GRIN2A: variants seen among roughly 807,000 people sequenced by gnomAD.
GRIN2A encodes the protein glutamate ionotropic receptor NMDA type subunit 2A.
A neutral mutation model predicts 113.4 loss-of-function variants in GRIN2A; 22 were observed. That is an observed-to-expected ratio of 0.19 (90% confidence interval 0.14 to 0.28). GRIN2A has a LOEUF of 0.28. Ranked by LOEUF, GRIN2A falls within the 10% of genes least tolerant of loss-of-function variation. GRIN2A has a pLI of 1.00. For synonymous variants in GRIN2A, 827 were observed against 738.4 expected, an observed-to-expected ratio of 1.12 and a Z score of -1.94; for missense variants, 1,502 against 1,887.0, an observed-to-expected ratio of 0.80 and a Z score of 3.78.
intron 4 of GRIN2A, among the ~76,000 whole-genome samples, chr16:9,886,720 C>T (rs189709576): frequency 6.6e-6 from 1 of 152,190 alleles, no homozygotes; most frequent in Admixed American, 6.5e-5. Flanking sequence ...ATAGACGAAC[C>T]ATGAAGTCAG....
At chr16:10,059,388 G>A (rs182251467) in intron 2 of GRIN2A, among the ~76,000 whole-genome samples, 124 of 149,482 alleles carry the variant, frequency 8.3e-4, no homozygotes, top group African/African-American at 2.9e-3. Context: ...CCAAGTAAGA[G>A]AGTGGTGACT....
chr16:9,861,344 A>G (rs955117361), intron 4 of GRIN2A, among the ~76,000 whole-genome samples: 1 of 152,222 alleles, frequency 6.6e-6, no homozygotes, highest in Non-Finnish European at 1.5e-5. Context: ...AAGTCTGCCA[A>G]AGGACATGAG....
At chr16:10,012,682 G>C (rs909848548) in intron 2 of GRIN2A, among the ~76,000 whole-genome samples, 1 of 152,162 alleles carries the variant, frequency 6.6e-6, no homozygotes, top group African/African-American at 2.4e-5. Context: ...TTTGAAAGTA[G>C]AGTCTGAGAA....
At chr16:9,942,556 G>A (rs968062535) in intron 2 of GRIN2A, among the ~76,000 whole-genome samples, 3 of 152,286 alleles carry the variant, frequency 2.0e-5, no homozygotes, top group Non-Finnish European at 2.9e-5. Flanking sequence ...TTGGGTGCTT[G>A]TCTCCACATC....
At chr16:9,945,598 G>T (rs2045000303) in intron 2 of GRIN2A, among the ~76,000 whole-genome samples, 1 of 152,140 alleles carries the variant, frequency 6.6e-6, no homozygotes, top group Non-Finnish European at 1.5e-5. Flanking sequence ...TCTCCCAATA[G>T]GGAACCTGGG....
intron 2 of GRIN2A, among the ~76,000 whole-genome samples, chr16:10,063,980 G>C (rs867498052): frequency 6.6e-6 from 1 of 152,076 alleles, no homozygotes; most frequent in Non-Finnish European, 1.5e-5. Flanking sequence ...TAGAATTCTG[G>C]GATTTTATGT....
At chr16:10,114,781 T>C (rs893957012) in intron 2 of GRIN2A, among the ~76,000 whole-genome samples, 3 of 152,206 alleles carry the variant, frequency 2.0e-5, no homozygotes, top group Admixed American at 2.0e-4. Flanking sequence ...ATGAGCCAAA[T>C]AGGAACACTG....
At chr16:10,009,517 G>C (rs1429570856) in intron 2 of GRIN2A, among the ~76,000 whole-genome samples, 1 of 152,034 alleles carries the variant, frequency 6.6e-6, no homozygotes, top group Non-Finnish European at 1.5e-5. Context: ...CAATTCCCAA[G>C]GACGGCACAA....
chr16:10,117,061 GAA>G (rs111371826), intron 2 of GRIN2A, among the ~76,000 whole-genome samples: 2,237 of 139,822 alleles, frequency 0.016, 22 homozygotes, highest in Admixed American at 0.022. Context: ...TCAAGTGACT[GAA>G]AAAAAAAAAA....
chr16:10,052,746 C>A (rs1202082899), intron 2 of GRIN2A, among the ~76,000 whole-genome samples: 1 of 152,130 alleles, frequency 6.6e-6, no homozygotes, highest in East Asian at 1.9e-4. Context: ...TGAGCCCTAT[C>A]CTTAGAATAC....
At chr16:9,792,089 G>A (rs1465219171) in intron 11 of GRIN2A, among the ~76,000 whole-genome samples, 1 of 137,180 alleles carries the variant, frequency 7.3e-6, no homozygotes, top group African/African-American at 3.0e-5. Context: ...TTGTGTGTGT[G>A]TGTGTGTGTG....
intron 8 of GRIN2A, 140 bp downstream of exon 8, chr16:9,833,965 C>A (rs988205525): frequency 3.6e-6 from 3 of 821,970 alleles, no homozygotes; most frequent in Non-Finnish European, 6.4e-6. Flanking sequence ...GATCCACCCA[C>A]CTCGGTCTCC....
chr16:9,893,680 T>C (rs2043746196), intron 3 of GRIN2A, among the ~76,000 whole-genome samples: 1 of 152,196 alleles, frequency 6.6e-6, no homozygotes, highest in Non-Finnish European at 1.5e-5. Flanking sequence ...TTGACCAGGC[T>C]GGTCCCGAAC....
chr16:10,085,679 G>A (rs1270359361), intron 2 of GRIN2A, among the ~76,000 whole-genome samples: 2 of 152,172 alleles, frequency 1.3e-5, no homozygotes, highest in Non-Finnish European at 2.9e-5. Context: ...AGTCTTTTGA[G>A]ATGGCCTGTT....
chr16:9,872,753 T>C (rs2043291101), intron 4 of GRIN2A, among the ~76,000 whole-genome samples: 1 of 152,146 alleles, frequency 6.6e-6, no homozygotes, highest in South Asian at 2.1e-4. Context: ...ACAGATGTGG[T>C]GGCTCACGCT....
intron 2 of GRIN2A, among the ~76,000 whole-genome samples, chr16:10,007,792 T>C (rs545285809): frequency 2.0e-4 from 31 of 152,154 alleles, no homozygotes; most frequent in Non-Finnish European, 3.8e-4. Flanking sequence ...GCTGTGTAGC[T>C]GGAGACAGAT....
chr16:9,847,269 A>G (rs2042789428), intron 5 of GRIN2A, among the ~76,000 whole-genome samples: 1 of 152,152 alleles, frequency 6.6e-6, no homozygotes, highest in Non-Finnish European at 1.5e-5. Flanking sequence ...TAAAAAGACT[A>G]AAGGAAGCCG....
chr16:9,840,101 G>C (rs892115447), intron 7 of GRIN2A, among the ~76,000 whole-genome samples: 4 of 152,152 alleles, frequency 2.6e-5, no homozygotes, highest in African/African-American at 9.7e-5. Flanking sequence ...CTGGGCAGCA[G>C]AGCTAGACTC....
intron 10 of GRIN2A, among the ~76,000 whole-genome samples, chr16:9,802,117 G>A (rs1248846763): frequency 6.6e-6 from 1 of 152,222 alleles, no homozygotes; most frequent in East Asian, 1.9e-4. Context: ...TACACTGATG[G>A]TGGGAGTGTA....
Sources: allele counts gnomAD v4.1 joint callset (sites outside exome capture counted in the v4.1 genomes callset), GRCh38; gene constraint gnomAD v4.1.1; transcripts MANE v1.5; gene names NCBI Gene and HGNC (gene_info 2026-07-23, HGNC 2026-07-21).